ZFHX3: variants seen among roughly 807,000 people sequenced by gnomAD.
The protein encoded by ZFHX3 is zinc finger homeobox 3.
Under a neutral mutation model 279.1 loss-of-function variants are expected in ZFHX3, and 42 were observed. The ratio of observed to expected loss-of-function variants is 0.15; its 90% CI spans 0.12 to 0.19. The LOEUF is 0.19. ZFHX3 is among the 10% of genes least tolerant of loss of function. The probability of loss-of-function intolerance (pLI) is 1.00; values close to 1 mark genes in which losing one functional copy is unlikely to be tolerated. For synonymous variants in ZFHX3, 2,293 were observed against 1,957.8 expected (o/e 1.17, Z -4.52); for missense variants, 4,981 against 4,754.0 (o/e 1.05, Z -1.40).
intron 5 of ZFHX3, among the ~76,000 whole-genome samples, chr16:73,226,089 G>C (rs758591302): frequency 9.2e-5 from 14 of 152,300 alleles, no homozygotes; most frequent in Admixed American, 2.6e-4. Flanking sequence ...GGACATAGGG[G>C]CACAAAAAGA....
intron 2 of ZFHX3, among the ~76,000 whole-genome samples, chr16:73,586,426 A>G (rs1485371560): frequency 6.7e-6 from 1 of 149,496 alleles, no homozygotes; most frequent in African/African-American, 2.5e-5. Context: ...ACAAACAAAC[A>G]AAAAAACATA....
At chr16:73,604,348 T>A (rs1040981535) in intron 2 of ZFHX3, among the ~76,000 whole-genome samples, 2 of 152,034 alleles carry the variant, frequency 1.3e-5, no homozygotes, top group African/African-American at 4.8e-5. Context: ...GAAAGAGAAG[T>A]CGCTATGGCC....
chr16:73,288,701 C>T (rs1326618388), intron 4 of ZFHX3, among the ~76,000 whole-genome samples: 1 of 151,886 alleles, frequency 6.6e-6, no homozygotes, highest in Admixed American at 6.5e-5. Flanking sequence ...GCTTCTGCAG[C>T]AGCTGCTGCC....
chr16:72,789,038 A>G (rs2035588312), intron 9 of ZFHX3, 190 bp from the exon 10 acceptor site: 1 of 633,686 alleles, frequency 1.6e-6, no homozygotes, highest in Non-Finnish European at 2.5e-6. Context: ...TCTAATGAGG[A>G]CTCAGTCCTA....
chr16:73,648,588 T>C (rs1326482354), intron 2 of ZFHX3, among the ~76,000 whole-genome samples: 1 of 152,106 alleles, frequency 6.6e-6, no homozygotes. Flanking sequence ...TGTTTTGTTT[T>C]TTTAGTAGAG....
At chr16:73,410,551 A>T (rs2017445543) in intron 3 of ZFHX3, among the ~76,000 whole-genome samples, 1 of 152,240 alleles carries the variant, frequency 6.6e-6, no homozygotes, top group Non-Finnish European at 1.5e-5. Context: ...GTATGCCTGT[A>T]TAAAAGTGTC....
intron 3 of ZFHX3, among the ~76,000 whole-genome samples, chr16:72,945,790 G>T (rs956220070): frequency 1.3e-5 from 2 of 152,074 alleles, no homozygotes; most frequent in African/African-American, 2.4e-5. Context: ...GGGAAGGCAG[G>T]ACGGGAGGGA....
intron 2 of ZFHX3, among the ~76,000 whole-genome samples, chr16:73,560,881 G>T (rs2143788852): frequency 6.6e-6 from 1 of 152,266 alleles, no homozygotes; most frequent in Non-Finnish European, 1.5e-5. Context: ...GTGGTATTCT[G>T]TTCCTTATTT....
At chr16:73,133,920 G>A (rs190220613) in intron 6 of ZFHX3, among the ~76,000 whole-genome samples, 1 of 152,298 alleles carries the variant, frequency 6.6e-6, no homozygotes, top group East Asian at 1.9e-4. Flanking sequence ...AATCTAGGTA[G>A]CTGAGATGCA....
chr16:73,051,023 A>G (rs114815629), upstream of ZFHX3, among the ~76,000 whole-genome samples: 1,094 of 152,058 alleles, frequency 7.2e-3, 17 homozygotes, highest in African/African-American at 0.025. Flanking sequence ...ACACATACAC[A>G]CTTACTAATG....
chr16:73,865,898 T>C lies in ZFHX3; in HGVS notation c.-1608+25753A>G, dbSNP rs185500548. On this transcript the variant is annotated intron_variant, in intron 1 of 17. Transcript: ENST00000641206. ...TACACTGGAGGCTGAGGCAGGAGAA[T>C]GGTGTGAACCCGGGAGGCAGAGCTT... Among the ~76,000 whole-genome samples the C allele has an allele frequency of 8.3e-4, 125 of 151,482 alleles. 1 individual carries two copies. The highest frequency in any genetic ancestry group is 3.0e-3 in the African/African-American group (125 of 41,274).
chr16:73,748,946 C>T (rs1330070821), intron 1 of ZFHX3, among the ~76,000 whole-genome samples: 1 of 152,090 alleles, frequency 6.6e-6, no homozygotes, highest in African/African-American at 2.4e-5. Flanking sequence ...TGCCACCACA[C>T]CTGACTAATT....
chr16:73,816,354 A>G (rs1960570867), intron 1 of ZFHX3, among the ~76,000 whole-genome samples: 1 of 152,198 alleles, frequency 6.6e-6, no homozygotes, highest in Non-Finnish European at 1.5e-5. Context: ...TTCATAGGAA[A>G]GTGAGTATGA....
chr16:72,917,128 C>T (rs1004892475), intron 3 of ZFHX3, among the ~76,000 whole-genome samples: 1 of 152,134 alleles, frequency 6.6e-6, no homozygotes. Context: ...ATAGTCCTGG[C>T]TATTCAGGAG....
chr16:73,192,414 G>A (rs761501399), intron 5 of ZFHX3, among the ~76,000 whole-genome samples: 10 of 152,136 alleles, frequency 6.6e-5, no homozygotes, highest in Non-Finnish European at 1.3e-4. Flanking sequence ...TCCCCTCCCC[G>A]GGACACAACA....
chr16:73,734,058 C>G (rs557661862), intron 1 of ZFHX3, among the ~76,000 whole-genome samples: 4 of 152,228 alleles, frequency 2.6e-5, no homozygotes, highest in African/African-American at 9.6e-5. Context: ...ATTCTCATAA[C>G]GAGCATGCAA....
intron 3 of ZFHX3, among the ~76,000 whole-genome samples, chr16:72,895,029 A>C (rs2157787): frequency 0.45 from 68,690 of 152,190 alleles, 18,110 homozygotes; most frequent in African/African-American, 0.74. Context: ...ATGCATGCCA[A>C]CCGGGGACCC....
At chr16:73,511,450 T>G (rs1433173166) in intron 2 of ZFHX3, among the ~76,000 whole-genome samples, 1 of 152,188 alleles carries the variant, frequency 6.6e-6, no homozygotes, top group African/African-American at 2.4e-5. Flanking sequence ...TCACCTGTCT[T>G]GGAAAGTGAT....
intron 1 of ZFHX3, among the ~76,000 whole-genome samples, chr16:73,725,079 G>A (rs1838187704): frequency 6.6e-6 from 1 of 152,112 alleles, no homozygotes; most frequent in African/African-American, 2.4e-5. Context: ...TCACCAGAAA[G>A]GGCCTCAGTC....
Sources: gnomAD v4.1 joint callset for allele counts (sites outside exome capture counted in the v4.1 genomes callset) on GRCh38, gnomAD v4.1.1 for gene constraint, MANE v1.5 for transcripts, NCBI Gene and HGNC (gene_info 2026-07-23, HGNC 2026-07-21) for gene names.